VPS50: variants seen among roughly 807,000 people sequenced by gnomAD.
VPS50 encodes VPS50 subunit of EARP/GARPII complex.
A neutral mutation model predicts 139.7 loss-of-function variants in VPS50; 70 were observed. That is an observed-to-expected ratio of 0.50 (90% CI 0.41 to 0.61). The LOEUF is 0.61. Among genes scored for constraint, VPS50 ranks in the 20% least tolerant of loss-of-function variants. VPS50 has a pLI of 0.00. For synonymous variants in VPS50, 365 were observed against 376.7 expected (o/e 0.97, Z 0.36); for missense variants, 921 against 1,133.7 (o/e 0.81, Z 2.69).
At chr7:93,357,509 G>A (rs542543717) in intron 27 of VPS50, among the ~76,000 whole-genome samples, 1 of 152,150 alleles carries the variant, frequency 6.6e-6, no homozygotes, top group African/African-American at 2.4e-5. Context: ...TGCTCTCAGA[G>A]ATCAGATACA....
Position 93,296,629 on chromosome 7 carries a change from A to G in VPS50, c.1168-113A>G. 3.4e-6 allele frequency: 5 copies of G among 1,482,192 alleles called. No individual in the cohort carries two copies. The South Asian group carries it at 6.7e-5, about 20-fold the overall frequency. The allele number at this position is 1,482,192 out of a possible 1,614,324, so 91.8% of individuals were successfully genotyped here. A position where few individuals can be genotyped will look rare whatever the true frequency, so the allele number is the denominator to read the frequency against. On this transcript the variant is annotated intron_variant, in intron 14 of 27. Coordinates refer to ENST00000305866, the MANE Select transcript of VPS50 (RefSeq NM_017667.4). ...TGGCCTAAATAGATATTCGTTAACA[A>G]ATTAGGAATATATTCCTGTCTCATT...
chr7:93,322,840 C>T (rs1198524554), intron 20 of VPS50, among the ~76,000 whole-genome samples: 1 of 152,150 alleles, frequency 6.6e-6, no homozygotes, highest in African/African-American at 2.4e-5. Context: ...CTTCCCATCC[C>T]TCTTGAACCC....
chr7:93,309,329 T>C (rs1797201735), intron 19 of VPS50, among the ~76,000 whole-genome samples: 1 of 151,994 alleles, frequency 6.6e-6, no homozygotes, highest in African/African-American at 2.4e-5. Flanking sequence ...ACAGTTTGTT[T>C]GACATTGCTT....
intron 6 of VPS50, chr7:93,257,721 A>G (rs1795529934): frequency 3.4e-6 from 1 of 296,958 alleles, no homozygotes; most frequent in Non-Finnish European, 6.1e-6. Context: ...TTTGTCGTAA[A>G]GCACCTACTT....
At chr7:93,250,196 T>C (rs1254760463) in intron 2 of VPS50, among the ~76,000 whole-genome samples, 1 of 152,214 alleles carries the variant, frequency 6.6e-6, no homozygotes, top group African/African-American at 2.4e-5. Context: ...ATTGGAACTT[T>C]ACATTTAAAC....
intron 20 of VPS50, among the ~76,000 whole-genome samples, chr7:93,312,659 ATCTTCTATT>A (rs1389049616): frequency 1.3e-5 from 2 of 151,466 alleles, no homozygotes; most frequent in Non-Finnish European, 2.9e-5. Flanking sequence ...TATTTCTTCT[ATCTTCTATT>A]TCTTCTATTC....
At chr7:93,267,634 G>A (rs1013054066) in intron 9 of VPS50, among the ~76,000 whole-genome samples, 4 of 152,146 alleles carry the variant, frequency 2.6e-5, no homozygotes, top group Admixed American at 2.6e-4. Flanking sequence ...TTCGTAAACA[G>A]AGTATTATGA....
At chr7:93,288,883 T>C (rs985530081) in intron 12 of VPS50, among the ~76,000 whole-genome samples, 6 of 152,130 alleles carry the variant, frequency 3.9e-5, no homozygotes, top group Non-Finnish European at 7.4e-5. Context: ...TTGTGTTTGC[T>C]AACTGATGTT....
intron 2 of VPS50, among the ~76,000 whole-genome samples, chr7:93,251,946 G>C (rs1297754114): frequency 6.6e-6 from 1 of 152,172 alleles, no homozygotes; most frequent in Non-Finnish European, 1.5e-5. Flanking sequence ...ATTATGCAGT[G>C]AAATTGCATA....
chr7:93,315,483 A>G (rs1056060969), intron 20 of VPS50, among the ~76,000 whole-genome samples: 2 of 152,202 alleles, frequency 1.3e-5, no homozygotes, highest in African/African-American at 4.8e-5. Flanking sequence ...CAATTTACCA[A>G]TGAGGTTACT....
rs1375434251 is a variant in VPS50 at position 93,276,021 on chromosome 7, T to C, written c.802-144T>C. ...TTGCAAATAATATACCCAGTATAAT[T>C]TTCCCAGTATAATTCTGGGAAAACT... On this transcript the variant is annotated intron_variant, in intron 11 of 27. Transcript: ENST00000305866. The C allele has an allele frequency of 6.9e-6, 5 of 723,298 alleles. No homozygotes were observed. In the African/African-American group the frequency reaches 8.9e-5, roughly 13 times the overall value. 44.8% of individuals were successfully genotyped at this position (723,298 alleles called of 1,614,324 possible).
chr7:93,351,127 C>T (rs1029549281), intron 25 of VPS50, among the ~76,000 whole-genome samples: 5 of 152,284 alleles, frequency 3.3e-5, no homozygotes, highest in Admixed American at 3.3e-4. Flanking sequence ...TGTCTCCAGA[C>T]TCCGGGACTA....
At chr7:93,258,512 A>T in intron 8 of VPS50, 120 bp downstream of exon 8, 1 of 756,186 alleles carries the variant, frequency 1.3e-6, no homozygotes, top group Non-Finnish European at 2.2e-6. Flanking sequence ...ATTTTTAGAC[A>T]TGTAAGATTT....
At chr7:93,251,205 T>C (rs1795314978) in intron 2 of VPS50, among the ~76,000 whole-genome samples, 1 of 152,220 alleles carries the variant, frequency 6.6e-6, no homozygotes, top group Non-Finnish European at 1.5e-5. Flanking sequence ...TTATAGATCA[T>C]TCTATACAGA....
intron 20 of VPS50, chr7:93,320,249 C>G (rs1428927919): frequency 6.6e-6 from 1 of 150,680 alleles, no homozygotes; most frequent in Admixed American, 6.6e-5. Flanking sequence ...GACTGATTCT[C>G]TAAATCCCAG....
chr7:93,241,620 C>T (rs548194596), intron 2 of VPS50, among the ~76,000 whole-genome samples: 1 of 152,146 alleles, frequency 6.6e-6, no homozygotes, highest in Non-Finnish European at 1.5e-5. Context: ...CTTCTGCCTT[C>T]TTTCTGGGTG....
Position 93,334,115 on chromosome 7 carries a change from A to G in VPS50, c.1978-2A>G, listed in dbSNP as rs1251428246. On this transcript the variant is annotated splice_acceptor_variant, in intron 21 of 27. Transcript: ENST00000305866. LOFTEE classifies it high-confidence loss of function. ...GATATAACAAGCCTTTTTCTTTTTC[A>G]GTTGGAATCAACTGGACTCGGCCTT... 6.5e-7 allele frequency: 1 copy of G among 1,549,090 alleles called. No homozygotes were observed. Among genetic ancestry groups the G allele is most frequent in the Non-Finnish European group, 8.9e-7 (1 of 1,129,278 alleles).
At chr7:93,236,370 G>A (rs1001061592) in intron 1 of VPS50, among the ~76,000 whole-genome samples, 2 of 152,156 alleles carry the variant, frequency 1.3e-5, no homozygotes, top group South Asian at 2.1e-4. Flanking sequence ...GAGTTTTGCC[G>A]AAAGGAGAAG....
chr7:93,308,257 A>G (rs1428300371), intron 18 of VPS50, among the ~76,000 whole-genome samples: 2 of 151,772 alleles, frequency 1.3e-5, no homozygotes, highest in Non-Finnish European at 2.9e-5. Flanking sequence ...AATGTTAGGA[A>G]GACACCCTTT....
Sources: gnomAD v4.1 joint callset for allele counts (sites outside exome capture counted in the v4.1 genomes callset) on GRCh38, gnomAD v4.1.1 for gene constraint, MANE v1.5 for transcripts, NCBI Gene and HGNC (gene_info 2026-07-23, HGNC 2026-07-21) for gene names.